Variants in TENM3 observed in about 807,000 individuals in gnomAD.
The protein encoded by TENM3 is teneurin-3.
TENM3 carries 63 observed loss-of-function variants against 255.1 expected under a neutral mutation model. That is an observed-to-expected ratio of 0.25 (90% CI 0.20 to 0.30). The LOEUF (loss-of-function observed/expected upper bound fraction) is 0.30, where lower values mean the gene tolerates loss of function less well. Among genes scored for constraint, TENM3 ranks in the 10% least tolerant of loss-of-function variants. The pLI is 1.00. For synonymous variants in TENM3, 1,306 were observed against 1,322.3 expected (o/e 0.99, Z 0.27); for missense variants, 2,929 against 3,461.1 (o/e 0.85, Z 3.86).
chr4:182,763,427 T>A (rs1217874551), intron 22 of TENM3, among the ~76,000 whole-genome samples: 1 of 151,838 alleles, frequency 6.6e-6, no homozygotes, highest in Non-Finnish European at 1.5e-5. Context: ...TAGCTGGGCG[T>A]GGTGGCGGGC....
the TENM3 span, among the ~76,000 whole-genome samples, chr4:181,513,470 C>G: frequency 6.6e-6 from 1 of 152,114 alleles, no homozygotes; most frequent in Non-Finnish European, 1.5e-5. Flanking sequence ...CATACCAACA[C>G]TAACCTAGAA....
the TENM3 span, among the ~76,000 whole-genome samples, chr4:181,853,163 G>T: frequency 1.3e-5 from 2 of 152,126 alleles, no homozygotes; most frequent in Non-Finnish European, 2.9e-5. Context: ...TCAATGTCAA[G>T]CAATTTTATT....
At chr4:182,504,530 C>G (rs17322774) in intron 3 of TENM3, among the ~76,000 whole-genome samples, 40,922 of 152,076 alleles carry the variant, frequency 0.27, 6,773 homozygotes, top group South Asian at 0.37. Flanking sequence ...ATGCCACCCT[C>G]TGTGAATAGG....
the TENM3 span, among the ~76,000 whole-genome samples, chr4:182,100,818 T>C: frequency 0.043 from 527 of 12,304 alleles, 126 homozygotes; most frequent in African/African-American, 0.1. Flanking sequence ...CACATATATA[T>C]ACACATATAT....
intron 1 of TENM3, among the ~76,000 whole-genome samples, chr4:182,275,068 A>G (rs1759909012): frequency 6.6e-6 from 1 of 152,102 alleles, no homozygotes; most frequent in Non-Finnish European, 1.5e-5. Context: ...CAAGTGATCC[A>G]CCTGTCTTGG....
intron 3 of TENM3, among the ~76,000 whole-genome samples, chr4:182,385,259 C>T (rs1394502561): frequency 2.7e-5 from 3 of 112,378 alleles, no homozygotes; most frequent in East Asian, 5.8e-4. Context: ...TTTTATTGTG[C>T]GTCTTTTTTT....
chr4:182,099,615 A>G, the TENM3 span, among the ~76,000 whole-genome samples: 149,325 of 152,296 alleles, frequency 0.98, 73,272 homozygotes, highest in East Asian at 1. Flanking sequence ...ACACAGCCAC[A>G]CCAATCCATT....
At chr4:181,466,780 T>C in the TENM3 span, among the ~76,000 whole-genome samples, 1 of 152,050 alleles carries the variant, frequency 6.6e-6, no homozygotes, top group African/African-American at 2.4e-5. Context: ...AAATGTGAAA[T>C]ATTGCCCCTA....
intron 1 of TENM3, among the ~76,000 whole-genome samples, chr4:182,165,165 T>C (rs909936604): frequency 2.0e-5 from 3 of 152,204 alleles, no homozygotes; most frequent in African/African-American, 7.2e-5. Flanking sequence ...TTCTCAGGCA[T>C]CATCTACTCC....
At chr4:182,277,442 C>A (rs566735145) in intron 1 of TENM3, among the ~76,000 whole-genome samples, 2 of 152,072 alleles carry the variant, frequency 1.3e-5, no homozygotes, top group East Asian at 3.9e-4. Context: ...TAATATGAAA[C>A]TGTTAAAAAG....
chr4:181,950,360 A>G, the TENM3 span, among the ~76,000 whole-genome samples: 1 of 152,136 alleles, frequency 6.6e-6, no homozygotes. Context: ...GGTGAAATAA[A>G]CAGCCATGTT....
chr4:181,628,659 T>C, the TENM3 span, among the ~76,000 whole-genome samples: 1 of 152,222 alleles, frequency 6.6e-6, no homozygotes, highest in Non-Finnish European at 1.5e-5. Flanking sequence ...TGTGGTATTA[T>C]TTCTGAGGGC....
chr4:182,737,773 G>A (rs552277963), intron 17 of TENM3, among the ~76,000 whole-genome samples: 19 of 152,046 alleles, frequency 1.2e-4, no homozygotes, highest in Non-Finnish European at 2.4e-4. Flanking sequence ...TAGGTAATTT[G>A]GATTTGAATT....
chr4:181,533,414 G>C, the TENM3 span, among the ~76,000 whole-genome samples: 1 of 152,172 alleles, frequency 6.6e-6, no homozygotes, highest in Non-Finnish European at 1.5e-5. Context: ...CTCTGGGGAA[G>C]AAGAGGTGGA....
chr4:182,067,421 C>T, the TENM3 span, among the ~76,000 whole-genome samples: 1 of 152,146 alleles, frequency 6.6e-6, no homozygotes, highest in Admixed American at 6.5e-5. Flanking sequence ...TGACTGAAGG[C>T]TACAAAGACA....
At chr4:181,854,955 G>A in the TENM3 span, among the ~76,000 whole-genome samples, 3 of 152,104 alleles carry the variant, frequency 2.0e-5, no homozygotes, top group African/African-American at 7.2e-5. Flanking sequence ...TTAAGGCCGT[G>A]TTTTCTACTT....
chr4:181,885,043 A>T, the TENM3 span, among the ~76,000 whole-genome samples: 1 of 152,012 alleles, frequency 6.6e-6, no homozygotes, highest in East Asian at 1.9e-4. Flanking sequence ...GTCATGTGAA[A>T]TTTTTCTTAA....
chr4:181,658,609 G>A, the TENM3 span, among the ~76,000 whole-genome samples: 1 of 152,086 alleles, frequency 6.6e-6, no homozygotes, highest in Non-Finnish European at 1.5e-5. Context: ...CTGAAGGTGG[G>A]GTTTTGCTAC....
chr4:182,325,601 A>G (rs1320765086), intron 2 of TENM3, among the ~76,000 whole-genome samples: 1 of 152,236 alleles, frequency 6.6e-6, no homozygotes, highest in African/African-American at 2.4e-5. Context: ...TATTGTCTGC[A>G]CAGCTGAAAT....
Sources: allele counts gnomAD v4.1 joint callset (sites outside exome capture counted in the v4.1 genomes callset), GRCh38; gene constraint gnomAD v4.1.1; transcripts MANE v1.5; gene names NCBI Gene and HGNC (gene_info 2026-07-23, HGNC 2026-07-21).